PARD3: variants seen among roughly 807,000 people sequenced by gnomAD.
PARD3 encodes par-3 family cell polarity regulator.
PARD3 carries 75 observed loss-of-function variants against 155.4 expected under a neutral mutation model. That is an observed-to-expected ratio of 0.48 (90% CI 0.40 to 0.58). The LOEUF is 0.58. PARD3 is among the 20% of genes least tolerant of loss of function. PARD3 has a pLI of 0.00. For synonymous variants in PARD3, 576 were observed against 610.5 expected (o/e 0.94, Z 0.83); for missense variants, 1,642 against 1,721.7 (o/e 0.95, Z 0.82).
intron 23 of PARD3, among the ~76,000 whole-genome samples, chr10:34,120,066 G>T (rs1256481669): frequency 7.1e-6 from 1 of 139,980 alleles, no homozygotes; most frequent in Non-Finnish European, 1.5e-5. Context: ...ACCCAAGCAG[G>T]AGTGCAGTAG....
chr10:34,732,349 C>A (rs973231232), intron 1 of PARD3, among the ~76,000 whole-genome samples: 1 of 152,142 alleles, frequency 6.6e-6, no homozygotes, highest in South Asian at 2.1e-4. Flanking sequence ...TGTCCACCCC[C>A]ACCCATACAA....
At chr10:34,256,704 T>C (rs1425303732) in intron 22 of PARD3, among the ~76,000 whole-genome samples, 2 of 151,068 alleles carry the variant, frequency 1.3e-5, no homozygotes, top group South Asian at 2.1e-4. Flanking sequence ...GGAATAGAAC[T>C]AGTAATGAAA....
At chr10:34,515,982 T>TC (rs397946040) in intron 3 of PARD3, among the ~76,000 whole-genome samples, 16 of 148,100 alleles carry the variant, frequency 1.1e-4, no homozygotes, top group African/African-American at 3.1e-4. Flanking sequence ...CTTTTTTTTT[T>TC]CTCTCACTCT....
At chr10:34,803,613 T>C (rs1351611852) in intron 1 of PARD3, among the ~76,000 whole-genome samples, 1 of 151,992 alleles carries the variant, frequency 6.6e-6, no homozygotes, top group African/African-American at 2.4e-5. Flanking sequence ...ACCAGCCTGA[T>C]GAACATGGTG....
At chr10:34,463,253 A>T (rs2077783364) in intron 4 of PARD3, among the ~76,000 whole-genome samples, 1 of 128,150 alleles carries the variant, frequency 7.8e-6, no homozygotes, top group Admixed American at 7.9e-5. Flanking sequence ...AGGGAAAGGG[A>T]AGAGGAAGGG....
chr10:34,623,010 G>GA (rs2091780234), intron 2 of PARD3, among the ~76,000 whole-genome samples: 1 of 151,902 alleles, frequency 6.6e-6, no homozygotes, highest in Non-Finnish European at 1.5e-5. Flanking sequence ...CCTCAGCCAT[G>GA]TATAAGAGCT....
At chr10:34,480,877 C>T (rs2079043417) in intron 3 of PARD3, among the ~76,000 whole-genome samples, 1 of 148,460 alleles carries the variant, frequency 6.7e-6, no homozygotes, top group Admixed American at 6.8e-5. Context: ...TATCGGCTCA[C>T]TGCAACCTCC....
chr10:34,523,244 C>T (rs2082262481), intron 2 of PARD3, among the ~76,000 whole-genome samples: 1 of 152,120 alleles, frequency 6.6e-6, no homozygotes, highest in African/African-American at 2.4e-5. Flanking sequence ...TCTCAAAGAC[C>T]TCTAGGTTCA....
intron 6 of PARD3, among the ~76,000 whole-genome samples, 156 bp from the exon 7 acceptor site, chr10:34,399,569 AC>A (rs1394186633): frequency 2.6e-5 from 4 of 152,214 alleles, no homozygotes; most frequent in Non-Finnish European, 5.9e-5. Flanking sequence ...GCATATATAT[AC>A]ATATTCTGGA....
chr10:34,790,879 C>T (rs1442071874), intron 1 of PARD3, among the ~76,000 whole-genome samples: 1 of 152,166 alleles, frequency 6.6e-6, no homozygotes, highest in Non-Finnish European at 1.5e-5. Flanking sequence ...CAAGCCTTTC[C>T]TGGAAATTCC....
At chr10:34,653,181 C>T (rs2093065447) in intron 2 of PARD3, among the ~76,000 whole-genome samples, 1 of 151,944 alleles carries the variant, frequency 6.6e-6, no homozygotes, top group Non-Finnish European at 1.5e-5. Context: ...GGACTGTATT[C>T]TTTAGGGGGG....
intron 2 of PARD3, among the ~76,000 whole-genome samples, chr10:34,544,871 A>G (rs1216514962): frequency 6.6e-6 from 1 of 152,212 alleles, no homozygotes; most frequent in Admixed American, 6.5e-5. Flanking sequence ...CCTCTTGCTT[A>G]GTGAAGTTAA....
intron 14 of PARD3, among the ~76,000 whole-genome samples, chr10:34,351,345 A>C (rs1838059626): frequency 6.6e-6 from 1 of 152,200 alleles, no homozygotes; most frequent in African/African-American, 2.4e-5. Context: ...CCTAAAAGTG[A>C]GTGAGTCATA....
chr10:34,662,311 G>A (rs754167126), intron 2 of PARD3, among the ~76,000 whole-genome samples: 1 of 152,208 alleles, frequency 6.6e-6, no homozygotes, highest in Non-Finnish European at 1.5e-5. Context: ...TGGTAGGAAT[G>A]TAAATTAGTA....
Position 34,336,683 on chromosome 10 carries a change from T to C in PARD3, c.2561-440A>G, listed in dbSNP as rs1589223540. ...TTGGATTTAAAGAGACACTACCTGA[T>C]TGGTGTTTGAACAACTATGATTATT... On this transcript the variant is annotated intron_variant, in intron 17 of 24. Coordinates refer to ENST00000374788, the MANE Select transcript of PARD3 (RefSeq NM_001184785.2). Among the ~76,000 whole-genome samples, 5 of 152,264 alleles carry C rather than the reference T, an allele frequency of 3.3e-5. No individual in the cohort carries two copies. The South Asian group carries it at 8.3e-4, about 25-fold the overall frequency.
At chr10:34,755,096 C>A (rs1207671089) in intron 1 of PARD3, among the ~76,000 whole-genome samples, 1 of 142,096 alleles carries the variant, frequency 7.0e-6, no homozygotes, top group African/African-American at 3.1e-5. Context: ...TGACTGACAG[C>A]TTCAAGAAGA....
chr10:34,480,805 T>C (rs922753285), intron 3 of PARD3, among the ~76,000 whole-genome samples: 4 of 146,518 alleles, frequency 2.7e-5, no homozygotes, highest in African/African-American at 5.1e-5. Flanking sequence ...TTTTTTTTTT[T>C]TTTTTTTTCT....
intron 1 of PARD3, among the ~76,000 whole-genome samples, chr10:34,734,316 G>A (rs969376189): frequency 5.0e-5 from 7 of 140,872 alleles, no homozygotes; most frequent in African/African-American, 1.6e-4. Context: ...ACAAATATAT[G>A]GGGCCCTTTT....
intron 2 of PARD3, among the ~76,000 whole-genome samples, chr10:34,551,584 G>A (rs1022362273): frequency 1.3e-4 from 20 of 152,264 alleles, no homozygotes; most frequent in South Asian, 4.1e-4. Context: ...CCTGCACCCC[G>A]ACTCCTGCCT....
Sources: allele counts gnomAD v4.1 joint callset (sites outside exome capture counted in the v4.1 genomes callset), GRCh38; gene constraint gnomAD v4.1.1; transcripts MANE v1.5; gene names NCBI Gene and HGNC (gene_info 2026-07-23, HGNC 2026-07-21).